Variants in PAQR3 observed in about 807,000 individuals in gnomAD.
PAQR3 encodes the protein progestin and adipoQ receptor family member 3, also known as Raf kinase trapping to Golgi.
Under a neutral mutation model 41.7 loss-of-function variants are expected in PAQR3, and 39 were observed. The ratio of observed to expected loss-of-function variants is 0.93; its 90% CI spans 0.72 to 1.22. PAQR3 has a LOEUF of 1.22. Among genes scored for constraint, PAQR3 ranks in the 50% most tolerant of loss-of-function variants. The pLI is 0.00. For synonymous variants in PAQR3, 140 were observed against 140.6 expected (o/e 1.00, Z 0.03); for missense variants, 366 against 385.6 (o/e 0.95, Z 0.42).
chr4:78,920,062 A>G lies in PAQR3; in HGVS notation c.*477T>C. 1.0e-6 allele frequency: 1 copy of G among 984,956 alleles called. No homozygotes were observed. The highest frequency in any genetic ancestry group is 1.2e-6 in the Non-Finnish European group (1 of 829,198). The allele number at this position is 984,956 out of a possible 1,614,324, so 61.0% of individuals were successfully genotyped here. On this transcript the variant is annotated 3_prime_UTR_variant, in exon 6 of 6. Coordinates refer to ENST00000512733, the MANE Select transcript of PAQR3 (RefSeq NM_001040202.2). ...ATCATTTTAGTGATTATTTAAATCT[A>G]GTGATTTTAGTGATTATTTAAAATC...
chr4:78,911,510 A>C, downstream of PAQR3: 9 of 1,614,060 alleles, frequency 5.6e-6, no homozygotes, highest in Non-Finnish European at 7.6e-6. Context: ...ACAAAGCAGG[A>C]TATGTCCAAA....
At chr4:78,927,788 C>T (rs984859055) in intron 3 of PAQR3, among the ~76,000 whole-genome samples, 2 of 152,182 alleles carry the variant, frequency 1.3e-5, no homozygotes, top group East Asian at 1.9e-4. Flanking sequence ...TCAAAAGTCA[C>T]GTAAGACAAG....
chr4:78,917,754 T>C lies in PAQR3; in HGVS notation c.*2785A>G, dbSNP rs544357916. The C allele has an allele frequency of 2.6e-5, 24 of 938,968 alleles. No individual in the cohort carries two copies. The African/African-American group carries it at 4.3e-4, about 17-fold the overall frequency. 58.2% of individuals were successfully genotyped at this position (938,968 alleles called of 1,614,324 possible). ...TAATACAGGGCAAAGTATTATCTAG[T>C]AGGTACCTGCCAAATGGAGAGTTGT... On this transcript the variant is annotated 3_prime_UTR_variant, in exon 6 of 6. Transcript: ENST00000512733.
At chr4:78,889,054 T>C (rs542109282) in intron 11 of PAQR3, among the ~76,000 whole-genome samples, 56 of 152,036 alleles carry the variant, frequency 3.7e-4, no homozygotes, top group African/African-American at 1.3e-3. Context: ...ACCCCATCTC[T>C]ACTAAAAATA....
chr4:78,926,460 A>G, intron 4 of PAQR3, 61 bp downstream of exon 4: 1 of 1,454,640 alleles, frequency 6.9e-7, no homozygotes, highest in Non-Finnish European at 9.5e-7. Flanking sequence ...TACTTTACCC[A>G]AAAGGAATAA....
Position 78,919,388 on chromosome 4 carries a change from G to T in PAQR3, c.*1151C>A. 2.0e-6 allele frequency: 2 copies of T among 984,294 alleles called. No homozygotes were observed. The highest frequency in any genetic ancestry group is 2.4e-6 in the Non-Finnish European group (2 of 829,050). The allele number at this position is 984,294 out of a possible 1,614,324, so 61.0% of individuals were successfully genotyped here. ...GACCAAAGAATAAGAGGGCTACAAT[G>T]TATGATAGGGCAGTGAGTTCTATTT... On this transcript the variant is annotated 3_prime_UTR_variant, in exon 6 of 6. Transcript: ENST00000512733.
In PAQR3 at chr4:78,915,726, T is replaced by C. The variant is rs1413892397; in HGVS notation, c.*4813A>G. On this transcript the variant is annotated 3_prime_UTR_variant, in exon 6 of 6. Transcript: ENST00000512733. ...AACCACAATCATATCTAAGAGAACATTCACTCCTAGTGAGGGTTTACAAAA... is the reference window on the plus strand; with the variant it reads ...AACCACAATCATATCTAAGAGAACACTCACTCCTAGTGAGGGTTTACAAAA... The C allele has an allele frequency of 6.6e-6, 1 of 151,976 alleles. No homozygotes were observed. Among genetic ancestry groups the C allele is most frequent in the Non-Finnish European group, 1.5e-5 (1 of 67,896 alleles). 9.4% of individuals were successfully genotyped at this position (151,976 alleles called of 1,614,324 possible).
intron 1 of PAQR3, among the ~76,000 whole-genome samples, chr4:78,938,037 T>C (rs2110180540): frequency 6.6e-6 from 1 of 152,308 alleles, no homozygotes; most frequent in South Asian, 2.1e-4. Flanking sequence ...TGTCACCTTG[T>C]GACCATGAGT....
chr4:78,904,466 G>C (rs1056013183), intron 11 of PAQR3, among the ~76,000 whole-genome samples: 2 of 151,742 alleles, frequency 1.3e-5, no homozygotes, highest in African/African-American at 4.8e-5. Context: ...TGCAATACTT[G>C]TAATTTTCCT....
At position 78,922,906 on chromosome 4, in the gene PAQR3, C is replaced by T. The variant is rs117043728; in HGVS notation, c.793+951G>A. ...TGACTCCAGAGCTAAAGTTCTCAAA[C>T]AAGCAAATACAGGTTTTGGAGACTG... On this transcript the variant is annotated intron_variant, in intron 5 of 5. Transcript: ENST00000512733. The T allele has an allele frequency of 1.4e-4, 64 of 456,136 alleles. No individual in the cohort carries two copies. In the East Asian group the frequency reaches 1.9e-3, roughly 14 times the overall value. The allele number at this position is 456,136 out of a possible 1,614,324, so 28.3% of individuals were successfully genotyped here. A position where few individuals can be genotyped will look rare whatever the true frequency, so the allele number is the denominator to read the frequency against.
chr4:78,933,158 C>A (rs1048962880), intron 2 of PAQR3: 8 of 456,110 alleles, frequency 1.8e-5, no homozygotes, highest in East Asian at 1.4e-4. Flanking sequence ...CTCTTCTGCA[C>A]ACCTACGAGT....
Position 78,938,986 on chromosome 4 carries a change from A to G in PAQR3, c.185+54T>C, listed in dbSNP as rs368615363. ...GGAAAGCAGAAGGGGGACCAGACAA[A>G]AAGGGTGTAGGTGAGAGAAGGGGGC... On this transcript the variant is annotated intron_variant, in intron 1 of 5. Transcript: ENST00000512733. 4.1e-5 allele frequency: 60 copies of G among 1,473,782 alleles called. No homozygotes were observed. In the African/African-American group the frequency reaches 6.9e-4, roughly 17 times the overall value. 91.3% of individuals were successfully genotyped at this position (1,473,782 alleles called of 1,614,324 possible).
At chr4:78,890,380 C>T (rs951956063) in intron 11 of PAQR3, among the ~76,000 whole-genome samples, 5 of 148,204 alleles carry the variant, frequency 3.4e-5, no homozygotes, top group East Asian at 1.9e-4. Context: ...ACAGTTTGTC[C>T]GCCTCACACA....
At position 78,939,331 on chromosome 4, in the gene PAQR3, G is replaced by A; in HGVS notation, c.-107C>T. 3 of 1,077,220 alleles carry A rather than the reference G, an allele frequency of 2.8e-6. No homozygotes were observed. The highest frequency in any genetic ancestry group is 3.7e-6 in the Non-Finnish European group (3 of 801,808). 66.7% of individuals were successfully genotyped at this position (1,077,220 alleles called of 1,614,324 possible). On this transcript the variant is annotated 5_prime_UTR_variant, in exon 1 of 6. Coordinates refer to ENST00000512733, the MANE Select transcript of PAQR3 (RefSeq NM_001040202.2). ...CCCCGCCCCGGAGCCCGCGGACGCT[G>A]CGCGAGGTCCTACCGCGCTGCCGCT... is the stretch of plus-strand genomic sequence containing the variant.
chr4:78,916,056 T>C lies in PAQR3; in HGVS notation c.*4483A>G, dbSNP rs908897939. 4 of 151,954 alleles carry C rather than the reference T, an allele frequency of 2.6e-5. No homozygotes were observed. Among genetic ancestry groups the C allele is most frequent in the Non-Finnish European group, 5.9e-5 (4 of 67,872 alleles). 9.4% of individuals were successfully genotyped at this position (151,954 alleles called of 1,614,324 possible). Reference sequence around the variant, plus strand: ...TAAATAAAGCAAATTTACATCTTTATTGTATTTCTACTTGTTACAAAACAT... The same window carrying C: ...TAAATAAAGCAAATTTACATCTTTACTGTATTTCTACTTGTTACAAAACAT... On this transcript the variant is annotated 3_prime_UTR_variant, in exon 6 of 6. Transcript: ENST00000512733.
chr4:78,889,175 C>T (rs533067901), intron 11 of PAQR3, among the ~76,000 whole-genome samples: 6 of 139,120 alleles, frequency 4.3e-5, no homozygotes, highest in East Asian at 2.2e-4. Flanking sequence ...GAGCCGAGAT[C>T]GTGCCAGTGC....
At position 78,920,627 on chromosome 4, in the gene PAQR3, A is replaced by G. The variant is rs1354661505; in HGVS notation, c.848T>C (p.Val283Ala). 1.2e-6 allele frequency: 2 copies of G among 1,611,596 alleles called. No homozygotes were observed. The highest frequency in any genetic ancestry group is 1.7e-6 in the Non-Finnish European group (2 of 1,178,518). Reference sequence around the variant, plus strand: ...TGACTGATGCCACCAATATAACATCACTACTGCAAGGATATGCCATATTTG... The same window carrying G: ...TGACTGATGCCACCAATATAACATCGCTACTGCAAGGATATGCCATATTTG... ...SHQIWHILAV[V>A]MLYWWHQSTV... The change falls in exon 6 of 6, where the codon GTG (valine) becomes GCG (alanine). Residue 283 changes from valine (V) to alanine (A), a missense_variant. Transcript: ENST00000512733.
intron 1 of PAQR3, among the ~76,000 whole-genome samples, chr4:78,938,820 T>C (rs1737715007): frequency 6.6e-6 from 1 of 151,890 alleles, no homozygotes; most frequent in African/African-American, 2.4e-5. Context: ...AGAGCTGTAA[T>C]TATGATCACT....
At chr4:78,892,738 A>G (rs964721589) in intron 11 of PAQR3, among the ~76,000 whole-genome samples, 75 of 152,360 alleles carry the variant, frequency 4.9e-4, no homozygotes, top group African/African-American at 1.8e-3. Flanking sequence ...CAGTGCATAC[A>G]AAAGTTACAT....
Sources: allele counts gnomAD v4.1 joint callset (sites outside exome capture counted in the v4.1 genomes callset), GRCh38; gene constraint gnomAD v4.1.1; transcripts MANE v1.5; gene names NCBI Gene and HGNC (gene_info 2026-07-23, HGNC 2026-07-21).